MEGF11: variants seen among roughly 807,000 people sequenced by gnomAD.
MEGF11 encodes the protein multiple EGF like domains 11, also known as multiple epidermal growth factor-like domains protein 11.
In MEGF11, 126 loss-of-function variants were observed where a neutral mutation model predicts 146.6. The observed-to-expected ratio is 0.86, with a 90% CI of 0.74 to 1.00. The LOEUF (loss-of-function observed/expected upper bound fraction) is 1.00, where lower values mean the gene tolerates loss of function less well. Ranked by LOEUF, MEGF11 falls within the 50% of genes least tolerant of loss-of-function variation. The probability of loss-of-function intolerance (pLI) is 0.00; values close to 1 mark genes in which losing one functional copy is unlikely to be tolerated. For missense variants in MEGF11, 1,509 were observed against 1,521.2 expected (o/e 0.99, Z 0.13); for synonymous variants, 532 against 583.4 (o/e 0.91, Z 1.27).
At chr15:66,126,539 T>A (rs1049220086) in intron 2 of MEGF11, among the ~76,000 whole-genome samples, 1 of 152,206 alleles carries the variant, frequency 6.6e-6, no homozygotes, top group Non-Finnish European at 1.5e-5. Context: ...CAAATGGGGC[T>A]CAGACAGAGA....
intron 8 of MEGF11, among the ~76,000 whole-genome samples, chr15:65,965,613 C>CTTTTTTTTTTTTTTTTTTTT (rs1186551497): frequency 7.5e-5 from 4 of 53,522 alleles, no homozygotes; most frequent in Non-Finnish European, 1.3e-4. Context: ...TTTTTTTTTT[C>CTTTTTTTTTTTTTTTTTTTT]TTTTTTTTTT....
chr15:66,126,481 A>G (rs2088353956), intron 2 of MEGF11, among the ~76,000 whole-genome samples: 1 of 152,222 alleles, frequency 6.6e-6, no homozygotes, highest in African/African-American at 2.4e-5. Flanking sequence ...GAATATTTTC[A>G]CATTCCAAAT....
chr15:66,166,404 C>T (rs75545061), intron 1 of MEGF11, among the ~76,000 whole-genome samples: 122 of 152,242 alleles, frequency 8.0e-4, no homozygotes, highest in African/African-American at 2.8e-3. Context: ...CCAGGAGCAC[C>T]CCCACTGGCC....
At chr15:66,008,346 G>A (rs879601163) in intron 5 of MEGF11, among the ~76,000 whole-genome samples, 7 of 151,774 alleles carry the variant, frequency 4.6e-5, no homozygotes, top group South Asian at 2.1e-4. Context: ...TTTTCCCAGC[G>A]TCACTTGAGC....
At position 65,909,724 on chromosome 15, in the gene MEGF11, T is replaced by A. The variant is rs2078736825; in HGVS notation, c.2896+16A>T. 1.3e-6 allele frequency: 2 copies of A among 1,562,508 alleles called. No homozygotes were observed. Among genetic ancestry groups the A allele is most frequent in the East Asian group, 4.7e-5 (2 of 42,742 alleles). On this transcript the variant is annotated intron_variant, in intron 22 of 25. Transcript: ENST00000395614. Reference sequence around the variant, plus strand: ...TGGGACATGATGGTGGGGACCAGACTCACACCACTACTGACCTAACACGTT... The same window carrying A: ...TGGGACATGATGGTGGGGACCAGACACACACCACTACTGACCTAACACGTT...
intron 5 of MEGF11, among the ~76,000 whole-genome samples, chr15:66,077,964 C>A (rs2085663382): frequency 6.6e-6 from 1 of 152,184 alleles, no homozygotes; most frequent in African/African-American, 2.4e-5. Flanking sequence ...CACTTCCCGG[C>A]AGGCAATAGA....
intron 1 of MEGF11, among the ~76,000 whole-genome samples, chr15:66,142,518 C>T (rs535292893): frequency 6.6e-6 from 1 of 152,338 alleles, no homozygotes; most frequent in South Asian, 2.1e-4. Flanking sequence ...AATGGTAGAG[C>T]TGTGCATATA....
chr15:65,916,035 AGG>A, intron 18 of MEGF11, 111 bp downstream of exon 18: 1 of 1,305,586 alleles, frequency 7.7e-7, no homozygotes, highest in South Asian at 1.7e-5. Flanking sequence ...CCCAAAGTCA[AGG>A]GACCAAGGGG....
chr15:66,215,628 G>A (rs948417538), intron 1 of MEGF11, among the ~76,000 whole-genome samples: 5 of 152,196 alleles, frequency 3.3e-5, no homozygotes, highest in African/African-American at 1.2e-4. Flanking sequence ...CCTCAAAAAT[G>A]AGGCATCAGC....
intron 5 of MEGF11, among the ~76,000 whole-genome samples, chr15:66,050,403 G>T (rs2084401990): frequency 1.3e-5 from 2 of 152,246 alleles, no homozygotes; most frequent in South Asian, 4.1e-4. Context: ...ACACATTTGA[G>T]CAAAGACCTG....
At chr15:65,997,643 AATGT>A (rs1229599942) in intron 5 of MEGF11, among the ~76,000 whole-genome samples, 3 of 152,192 alleles carry the variant, frequency 2.0e-5, no homozygotes, top group African/African-American at 7.2e-5. Context: ...TTCTTACTAG[AATGT>A]CAGCTCCATG....
rs2079061452 is a variant in MEGF11, at chr15:65,918,100, G to A, written c.1958-6C>T. 1.2e-6 allele frequency: 2 copies of A among 1,613,574 alleles called. No individual in the cohort carries two copies. Among genetic ancestry groups the A allele is most frequent in the East Asian group, 2.2e-5 (1 of 44,884 alleles). ...AAAGTATCCTCCAGCACACACTGTGGGCACAGGGCAGCCTGGCACCCATCC... is the reference window on the plus strand; with the variant it reads ...AAAGTATCCTCCAGCACACACTGTGAGCACAGGGCAGCCTGGCACCCATCC... On this transcript the variant is annotated splice_region_variant and splice_polypyrimidine_tract_variant and intron_variant, in intron 15 of 25. Coordinates refer to ENST00000395614, the MANE Select transcript of MEGF11 (RefSeq NM_001385028.1).
intron 4 of MEGF11, among the ~76,000 whole-genome samples, chr15:66,105,096 G>A (rs2087003904): frequency 6.6e-6 from 1 of 151,914 alleles, no homozygotes; most frequent in African/African-American, 2.4e-5. Context: ...CCTGGATCTT[G>A]CCTCAGGAGT....
At chr15:66,158,416 T>G (rs2089841403) in intron 1 of MEGF11, among the ~76,000 whole-genome samples, 1 of 152,252 alleles carries the variant, frequency 6.6e-6, no homozygotes, top group Admixed American at 6.5e-5. Flanking sequence ...GGACTCAGCC[T>G]CAGCCCAACT....
In MEGF11 at chr15:65,909,047, C is replaced by T; in HGVS notation, c.2985G>A (p.Glu995=). 2 of 1,535,502 alleles carry T rather than the reference C, an allele frequency of 1.3e-6. No homozygotes were observed. The highest frequency in any genetic ancestry group is 1.7e-4 in the Middle Eastern group (1 of 5,964). Residue 995 remains glutamate, a synonymous_variant, in exon 23 of 26, where the codon GAG becomes GAA. Coordinates refer to ENST00000395614, the MANE Select transcript of MEGF11 (RefSeq NM_001385028.1). ...IELRHLSRPA[E]PHSPGACGMD... is the part of the protein sequence containing the mutation. Reference sequence around the variant, plus strand: ...CTGGGGTCTGACCTGGTGAGTGTGGCTCAGCGGGGCGGCTGAGGTGTCTAA... The same window carrying T: ...CTGGGGTCTGACCTGGTGAGTGTGGTTCAGCGGGGCGGCTGAGGTGTCTAA...
chr15:66,183,613 G>A (rs555798510), intron 1 of MEGF11, among the ~76,000 whole-genome samples: 2 of 152,068 alleles, frequency 1.3e-5, no homozygotes, highest in South Asian at 2.1e-4. Flanking sequence ...ATGACAATGA[G>A]TTATTAACTA....
intron 6 of MEGF11, among the ~76,000 whole-genome samples, chr15:65,981,228 G>A (rs1254818705): frequency 6.6e-6 from 1 of 152,236 alleles, no homozygotes; most frequent in African/African-American, 2.4e-5. Flanking sequence ...ATTTAACCAG[G>A]AGAATGGAAG....
intron 24 of MEGF11, among the ~76,000 whole-genome samples, chr15:65,905,000 C>A (rs749606637): frequency 6.6e-6 from 1 of 152,238 alleles, no homozygotes; most frequent in African/African-American, 2.4e-5. Context: ...TCAAGCAATT[C>A]TTGTGCCTCA....
intron 5 of MEGF11, among the ~76,000 whole-genome samples, chr15:66,015,939 T>TG (rs1025067154): frequency 1.1e-4 from 6 of 55,058 alleles, no homozygotes; most frequent in South Asian, 1.1e-3. Context: ...TGGGAGTTGG[T>TG]GGGGGGGCTC....
Sources: gnomAD v4.1 joint callset for allele counts (sites outside exome capture counted in the v4.1 genomes callset) on GRCh38, gnomAD v4.1.1 for gene constraint, MANE v1.5 for transcripts, NCBI Gene and HGNC (gene_info 2026-07-23, HGNC 2026-07-21) for gene names.